Variants in EMSY observed in about 807,000 individuals in gnomAD.
EMSY encodes BRCA2-interacting transcriptional repressor EMSY.
In EMSY, 26 loss-of-function variants were observed where a neutral mutation model predicts 134.6. That is an observed-to-expected ratio of 0.19 (90% CI 0.14 to 0.27). The LOEUF (loss-of-function observed/expected upper bound fraction) is 0.27. EMSY is among the 10% of genes least tolerant of loss of function. The probability of loss-of-function intolerance (pLI) is 1.00; values close to 1 mark genes in which losing one functional copy is unlikely to be tolerated. For synonymous variants in EMSY, 579 were observed against 577.8 expected (o/e 1.00, Z -0.03); for missense variants, 1,305 against 1,611.4 (o/e 0.81, Z 3.26).
downstream of EMSY, chr11:76,552,218 G>T (rs150909629): frequency 1.3e-5 from 2 of 152,250 alleles, no homozygotes; most frequent in East Asian, 3.9e-4. Context: ...GTAGTATTCT[G>T]TGCACTGGGG....
intron 4 of EMSY, 89 bp from the exon 6 acceptor site, chr11:76,458,093 AT>A: frequency 4.0e-6 from 5 of 1,253,152 alleles, no homozygotes; most frequent in Non-Finnish European, 5.4e-6. Flanking sequence ...ACTTTTTATA[AT>A]TTAAAAAGTT....
chr11:76,464,242 GTAT>G (rs1346756880), intron 7 of EMSY, among the ~76,000 whole-genome samples, 162 bp downstream of exon 8: 1 of 152,104 alleles, frequency 6.6e-6, no homozygotes, highest in Non-Finnish European at 1.5e-5. Context: ...TTTGGGATAG[GTAT>G]TATTATTTCA....
intron 14 of EMSY, among the ~76,000 whole-genome samples, chr11:76,530,215 A>C (rs1054784747): frequency 1.2e-4 from 16 of 137,280 alleles, no homozygotes; most frequent in South Asian, 9.1e-4. Flanking sequence ...ACTAGAGTGC[A>C]GTGGCGTGAT....
intron 9 of EMSY, among the ~76,000 whole-genome samples, chr11:76,509,693 TTA>T (rs1491128064): frequency 6.6e-6 from 1 of 152,162 alleles, no homozygotes; most frequent in Non-Finnish European, 1.5e-5. Flanking sequence ...GGTGCATGTG[TTA>T]TGTTTTACAA....
chr11:76,526,551 G>A (rs767006131), exon 13 of EMSY: 2 of 1,613,854 alleles, frequency 1.2e-6, no homozygotes, highest in Admixed American at 1.7e-5. Flanking sequence ...TTGTAACGCA[G>A]CCAAAAGGAA....
At chr11:76,551,448 T>G (rs905123564) in exon 21 of EMSY, 3 of 152,762 alleles carry the variant, frequency 2.0e-5, no homozygotes. Flanking sequence ...GCTGAAGTAC[T>G]GTAAGTAGAA....
At chr11:76,454,062 AG>A (rs1947777214) in intron 4 of EMSY, 1 of 152,192 alleles carries the variant, frequency 6.6e-6, no homozygotes, top group African/African-American at 2.4e-5. Flanking sequence ...AACAGAAAGT[AG>A]CCTTTAAATG....
intron 8 of EMSY, among the ~76,000 whole-genome samples, chr11:76,477,195 A>G (rs941393120): frequency 6.6e-6 from 1 of 151,692 alleles, no homozygotes. Context: ...AAGGATATAC[A>G]ATCAAATTAC....
chr11:76,546,097 A>G (rs772282615), exon 20 of EMSY: 8 of 1,613,916 alleles, frequency 5.0e-6, no homozygotes, highest in Non-Finnish European at 5.9e-6. Flanking sequence ...CTCCACCCAC[A>G]TGGTGGTGGC....
chr11:76,478,424 A>G (rs1948849813), intron 8 of EMSY, among the ~76,000 whole-genome samples: 2 of 149,590 alleles, frequency 1.3e-5, no homozygotes, highest in Admixed American at 1.3e-4. Flanking sequence ...GCTCACTGCA[A>G]TCTCTGCCTC....
Position 76,545,767 on chromosome 11 carries a change from A to G in EMSY, c.3274-30A>G, listed in dbSNP as rs542022500. On this transcript the variant is annotated intron_variant, in intron 19 of 20. Transcript: ENST00000334736. The stretch of plus-strand genomic sequence containing the variant: ...TAGATTTTCTCAAAGAGATGTAGCT[A>G]TAACACACACAACCCCAATTTATTT... 5.7e-6 allele frequency: 9 copies of G among 1,574,268 alleles called. No individual in the cohort carries two copies. The East Asian group carries it at 1.6e-4, about 27-fold the overall frequency.
intron 7 of EMSY, among the ~76,000 whole-genome samples, chr11:76,466,085 TCCTCTGTTTTTAGCGTAGTA>T (rs777579505): frequency 1.1e-3 from 163 of 152,276 alleles, no homozygotes; most frequent in Non-Finnish European, 1.9e-3. Context: ...TTTACTTATC[TCCTCTGTTTTTAGCGTAGTA>T]CCTGGCCCCC....
intron 11 of EMSY, among the ~76,000 whole-genome samples, chr11:76,522,380 T>A (rs1305697215): frequency 3.1e-5 from 4 of 129,086 alleles, no homozygotes; most frequent in South Asian, 2.7e-4. Flanking sequence ...TTTTTTTTTT[T>A]TTCTTGAGAT....
At chr11:76,465,609 A>T (rs1363112654) in intron 7 of EMSY, among the ~76,000 whole-genome samples, 1 of 151,568 alleles carries the variant, frequency 6.6e-6, no homozygotes, top group Non-Finnish European at 1.5e-5. Flanking sequence ...CTTTAAAAAA[A>T]AAAAAAGCAT....
chr11:76,526,632 G>A (rs576565110), exon 13 of EMSY: 17 of 1,611,506 alleles, frequency 1.1e-5, no homozygotes, highest in South Asian at 4.4e-5. Context: ...AAGGGAAAAC[G>A]CAGGTATGCT....
chr11:76,528,585 CTTTTT>C, intron 14 of EMSY, 119 bp downstream of exon 15: 15 of 420,048 alleles, frequency 3.6e-5, no homozygotes, highest in South Asian at 2.2e-4. Context: ...AATTCTTTTC[CTTTTT>C]TTTTTTTTTT....
intron 8 of EMSY, among the ~76,000 whole-genome samples, chr11:76,473,307 CT>C (rs1047731490): frequency 1.1e-4 from 16 of 146,812 alleles, no homozygotes; most frequent in Admixed American, 1.4e-4. Context: ...TTTTTCTTTT[CT>C]TTTTTTTTTT....
intron 7 of EMSY, among the ~76,000 whole-genome samples, chr11:76,472,200 A>G (rs1590826087): frequency 3.9e-5 from 6 of 152,348 alleles, no homozygotes; most frequent in Admixed American, 3.9e-4. Context: ...GTCTAGAACC[A>G]TGCCTGGCAC....
At chr11:76,544,637 A>G (rs767782304) in exon 19 of EMSY, 3 of 1,614,136 alleles carry the variant, frequency 1.9e-6, no homozygotes, top group East Asian at 2.2e-5. Context: ...GGCCAAAGAC[A>G]GGCAGCTTCC....
Sources: allele counts gnomAD v4.1 joint callset (sites outside exome capture counted in the v4.1 genomes callset), GRCh38; gene constraint gnomAD v4.1.1; transcripts MANE v1.5; gene names NCBI Gene and HGNC (gene_info 2026-07-23, HGNC 2026-07-21).